The following ARHGEF26 variants were observed in gnomAD, a reference collection of about 807,000 sequenced individuals.
The protein encoded by ARHGEF26 is Rho guanine nucleotide exchange factor 26, also known as Rho guanine nucleotide exchange factor (GEF) 26.
A neutral mutation model predicts 89.4 loss-of-function variants in ARHGEF26; 59 were observed. The ratio of observed to expected loss-of-function variants is 0.66; its 90% CI spans 0.54 to 0.82. The LOEUF (loss-of-function observed/expected upper bound fraction) is 0.82, where lower values mean the gene tolerates loss of function less well. ARHGEF26 is among the 40% of genes least tolerant of loss of function. The probability of loss-of-function intolerance (pLI) is 0.00; values close to 1 mark genes in which losing one functional copy is unlikely to be tolerated. For synonymous variants in ARHGEF26, 500 were observed against 428.4 expected (o/e 1.17, Z -2.06); for missense variants, 1,234 against 1,085.6 (o/e 1.14, Z -1.92).
chr3:154,160,399 C>T (rs1711585774), intron 6 of ARHGEF26, among the ~76,000 whole-genome samples: 1 of 152,072 alleles, frequency 6.6e-6, no homozygotes, highest in Non-Finnish European at 1.5e-5. Context: ...GATCTGAAGT[C>T]TTTGTACAAT....
At chr3:154,147,108 A>G (rs556082517) in intron 4 of ARHGEF26, among the ~76,000 whole-genome samples, 23 of 152,346 alleles carry the variant, frequency 1.5e-4, no homozygotes, top group Non-Finnish European at 1.3e-4. Context: ...TATGAAATGT[A>G]TATTTTAAAA....
chr3:154,255,233 C>G, intron 14 of ARHGEF26, 98 bp from the exon 15 acceptor site: 4 of 1,282,470 alleles, frequency 3.1e-6, no homozygotes. Flanking sequence ...TAGCACTTAG[C>G]CTGGGGAGGG....
chr3:154,207,382 C>T (rs753695789), intron 9 of ARHGEF26, among the ~76,000 whole-genome samples: 11 of 152,006 alleles, frequency 7.2e-5, no homozygotes, highest in Non-Finnish European at 1.3e-4. Context: ...TATCCAGCAT[C>T]TATAAGAAAC....
At position 154,142,072 on chromosome 3, in the gene ARHGEF26, A is replaced by G. The variant is rs75699601; in HGVS notation, c.1270-7317A>G. Among the ~76,000 whole-genome samples the G allele has an allele frequency of 5.3e-4, 81 of 152,336 alleles. 4 individuals are homozygous for G. The East Asian group carries it at 0.014, about 27-fold the overall frequency. ...GATGTAGGACAGAATGCCAAAGTGA[A>G]TGACACAGTTGAAATCACAGAAAGC... On this transcript the variant is annotated intron_variant, in intron 4 of 14. Coordinates refer to ENST00000465093, the MANE Select transcript of ARHGEF26 (RefSeq NM_015595.4).
chr3:154,144,466 C>G (rs1296447566), intron 4 of ARHGEF26, among the ~76,000 whole-genome samples: 1 of 152,178 alleles, frequency 6.6e-6, no homozygotes, highest in Non-Finnish European at 1.5e-5. Flanking sequence ...AACTCTGAAT[C>G]AGGAATTGAC....
chr3:154,202,552 G>C (rs1399600100), intron 9 of ARHGEF26, among the ~76,000 whole-genome samples: 6 of 152,126 alleles, frequency 3.9e-5, no homozygotes, highest in Non-Finnish European at 7.3e-5. Context: ...GTCATTGGTA[G>C]CTTGATGGGG....
At chr3:154,190,467 C>T (rs1041185328) in intron 7 of ARHGEF26, among the ~76,000 whole-genome samples, 1 of 152,182 alleles carries the variant, frequency 6.6e-6, no homozygotes, top group Non-Finnish European at 1.5e-5. Context: ...GAGATTGTGC[C>T]ATTGCACTCC....
At chr3:154,151,131 A>G (rs1358510079) in intron 5 of ARHGEF26, among the ~76,000 whole-genome samples, 2 of 152,198 alleles carry the variant, frequency 1.3e-5, no homozygotes, top group African/African-American at 4.8e-5. Context: ...TGCTGTGACA[A>G]TTCATTACAC....
intron 6 of ARHGEF26, among the ~76,000 whole-genome samples, chr3:154,153,618 G>A (rs1363557175): frequency 6.6e-6 from 1 of 151,952 alleles, no homozygotes; most frequent in Non-Finnish European, 1.5e-5. Flanking sequence ...GTACGTGTAA[G>A]TAGTAGAGTC....
At chr3:154,202,851 A>G (rs561370968) in intron 9 of ARHGEF26, among the ~76,000 whole-genome samples, 1 of 151,824 alleles carries the variant, frequency 6.6e-6, no homozygotes, top group Admixed American at 6.6e-5. Context: ...TTGATTTTGT[A>G]TCCTGAGACT....
chr3:154,205,104 T>G (rs1222457041), intron 9 of ARHGEF26, among the ~76,000 whole-genome samples: 2 of 152,210 alleles, frequency 1.3e-5, no homozygotes, highest in East Asian at 3.8e-4. Context: ...TGTGGGATGT[T>G]GAAGTCTCTA....
chr3:154,192,057 G>A (rs982309920), intron 8 of ARHGEF26, among the ~76,000 whole-genome samples: 1 of 152,194 alleles, frequency 6.6e-6, no homozygotes, highest in Non-Finnish European at 1.5e-5. Context: ...AGACAGGTAG[G>A]CTATGGGCAG....
At chr3:154,142,683 T>C (rs1394478443) in intron 4 of ARHGEF26, among the ~76,000 whole-genome samples, 1 of 152,228 alleles carries the variant, frequency 6.6e-6, no homozygotes, top group Admixed American at 6.5e-5. Flanking sequence ...ACTAATATAT[T>C]GGCATCACCT....
rs57080627 is a variant in ARHGEF26, at chr3:154,256,573, AAAC to A, written c.*1101_*1103del. On this transcript the variant is annotated 3_prime_UTR_variant, in exon 15 of 15. Transcript: ENST00000465093. ...TAAAAAAAAAAAAAAAAAAAAAAAA[AAAC>A]CTTCCCAAATGAGCTGATAAAAAAC... The A allele has an allele frequency of 8.6e-3, 8,004 of 928,198 alleles. 456 individuals carry two copies. The highest frequency in any genetic ancestry group is 0.01 in the South Asian group (200 of 19,062). The allele number at this position is 928,198 out of a possible 1,614,324, so 57.5% of individuals were successfully genotyped here.
In ARHGEF26 at chr3:154,123,070, A is replaced by C; in HGVS notation, c.1078A>C (p.Ile360Leu). ...DKEKFSSLGR[I>L]KKKMLKGQGT... ...GGAGAAGTTTTCCAGTCTGGGAAGG[A>C]TAAAGGTAAAAGTGGGCAGGAGTGT... Residue 360 changes from isoleucine to leucine, a missense_variant, in exon 2 of 15, where the codon ATA becomes CTA. By Grantham distance (5) the Ile-to-Leu change is conservative. Transcript: ENST00000465093. The C allele has an allele frequency of 6.2e-7, 1 of 1,613,804 alleles. No homozygotes were observed.
chr3:154,166,700 G>A (rs1559873134), intron 6 of ARHGEF26, among the ~76,000 whole-genome samples: 1 of 152,158 alleles, frequency 6.6e-6, no homozygotes, highest in Non-Finnish European at 1.5e-5. Flanking sequence ...TGAGCAGTGT[G>A]TATCCTCATC....
Position 154,255,466 on chromosome 3 carries a change from A to G in ARHGEF26, c.2609A>G (p.Asn870Ser). ...RMGRLLGLET[N>S]V is the part of the protein sequence containing the mutation. ...GGACGCTTGCTAGGACTGGAGACCA[A>G]CGTGTAGTCTCTCAGATGGTCTTTT... Residue 870 changes from asparagine (N) to serine (S), a missense_variant, in exon 15 of 15, where the codon AAC becomes AGC. Transcript: ENST00000465093. 6.2e-7 allele frequency: 1 copy of G among 1,612,854 alleles called. No individual in the cohort carries two copies. The highest frequency in any genetic ancestry group is 8.5e-7 in the Non-Finnish European group (1 of 1,179,302).
At chr3:154,195,442 A>C (rs1714232289) in intron 9 of ARHGEF26, among the ~76,000 whole-genome samples, 1 of 152,158 alleles carries the variant, frequency 6.6e-6, no homozygotes, top group Non-Finnish European at 1.5e-5. Flanking sequence ...TGATGGGGCC[A>C]GTTCTGAGGC....
chr3:154,226,020 T>C lies in ARHGEF26; in HGVS notation c.2090+10T>C, dbSNP rs917867178. ...TCACCAAGAAGAAGAGGTAAGTCTTTATCTGGTGTTGCTGACTAGACATTC... is the reference window on the plus strand; with the variant it reads ...TCACCAAGAAGAAGAGGTAAGTCTTCATCTGGTGTTGCTGACTAGACATTC... On this transcript the variant is annotated intron_variant, in intron 11 of 14. Transcript: ENST00000465093. 2 of 1,605,618 alleles carry C rather than the reference T, an allele frequency of 1.2e-6. No individual in the cohort carries two copies. Among genetic ancestry groups the C allele is most frequent in the African/African-American group, 2.7e-5 (2 of 74,450 alleles).
Sources: gnomAD v4.1 joint callset for allele counts (sites outside exome capture counted in the v4.1 genomes callset) on GRCh38, gnomAD v4.1.1 for gene constraint, MANE v1.5 for transcripts, NCBI Gene and HGNC (gene_info 2026-07-23, HGNC 2026-07-21) for gene names.